EIF3A: variants seen among roughly 807,000 people sequenced by gnomAD.
EIF3A encodes the protein EIF3, p180 subunit.
A neutral mutation model predicts 186.6 loss-of-function variants in EIF3A; 21 were observed. The observed-to-expected ratio is 0.11, with a 90% confidence interval of 0.08 to 0.16. EIF3A has a LOEUF of 0.16. Ranked by LOEUF, EIF3A falls within the 10% of genes least tolerant of loss-of-function variation. EIF3A has a pLI of 1.00. For missense variants in EIF3A, 1,306 were observed against 1,796.3 expected, an observed-to-expected ratio of 0.73 and a Z score of 4.93; for synonymous variants, 563 against 584.3, an observed-to-expected ratio of 0.96 and a Z score of 0.52.
chr10:119,050,357 G>A (rs1848340032), intron 16 of EIF3A, among the ~76,000 whole-genome samples, 164 bp downstream of exon 16: 1 of 152,190 alleles, frequency 6.6e-6, no homozygotes, highest in Non-Finnish European at 1.5e-5. Context: ...GGCAGACGAT[G>A]TAACAACTTC....
chr10:119,049,835 T>G lies in EIF3A; in HGVS notation c.2624A>C (p.Glu875Ala), dbSNP rs1042818436. The change falls in exon 17 of 22, where the codon GAG becomes GCG. Residue 875 changes from glutamate (E) to alanine (A), a missense_variant. Glu to Ala is a moderately radical substitution (Grantham distance 107). Transcript: ENST00000369144. ...AAGGGAACTATCGCCAAGTCTTCTC[T>G]CTTCCTCTCTACGCCGTTCTCGTTC... ...IEERERRREEERRLGDSSLSR... is the reference protein window; with the variant it reads ...IEERERRREEARRLGDSSLSR... The G allele has an allele frequency of 1.9e-6, 3 of 1,614,044 alleles. No individual in the cohort carries two copies. The African/African-American group carries it at 4.0e-5, about 22-fold the overall frequency.
intron 14 of EIF3A, among the ~76,000 whole-genome samples, chr10:119,052,101 T>C (rs760046592): frequency 6.6e-6 from 1 of 152,194 alleles, no homozygotes; most frequent in Non-Finnish European, 1.5e-5. Flanking sequence ...ATCTAGCATG[T>C]GGCACTGGTT....
chr10:119,036,005 T>G lies in EIF3A; in HGVS notation c.*34A>C. The G allele has an allele frequency of 2.0e-6, 3 of 1,507,620 alleles. No homozygotes were observed. The highest frequency in any genetic ancestry group is 1.4e-5 in the African/African-American group (1 of 72,848). 93.4% of individuals were successfully genotyped at this position (1,507,620 alleles called of 1,614,324 possible). ...AATCCTTGAATGTGATCAAACCTATTTAAGACACCAGTTTAAATCCATTAT... is the reference window on the plus strand; with the variant it reads ...AATCCTTGAATGTGATCAAACCTATGTAAGACACCAGTTTAAATCCATTAT... On this transcript the variant is annotated 3_prime_UTR_variant, in exon 22 of 22. Transcript: ENST00000369144.
Position 119,065,563 on chromosome 10 carries a change from T to C in EIF3A, c.958A>G (p.Thr320Ala), listed in dbSNP as rs779751574. 10 of 1,605,330 alleles carry C rather than the reference T, an allele frequency of 6.2e-6. No individual in the cohort carries two copies. The highest frequency in any genetic ancestry group is 3.3e-5 in the South Asian group (3 of 90,734). ...GAAAGAGTGGCTAAAAGGACTCTAG[T>C]AGACATTCTATGGAGAACAAAGTTT... ...LTQDEMQRMS[T>A]RVLLATLSIP... Residue 320 changes from threonine to alanine, a missense_variant, in exon 7 of 22, where the codon ACT becomes GCT. This residue lies in a region of EIF3A where 267 missense variants were observed against 367.8 expected (regional missense o/e 0.73). Transcript: ENST00000369144.
Position 119,073,589 on chromosome 10 carries a change from A to G in EIF3A, c.241-12T>C, listed in dbSNP as rs757317969. The G allele has an allele frequency of 6.2e-7, 1 of 1,605,734 alleles. No homozygotes were observed. Among genetic ancestry groups the G allele is most frequent in the Non-Finnish European group, 8.5e-7 (1 of 1,177,708 alleles). On this transcript the variant is annotated splice_polypyrimidine_tract_variant and intron_variant, in intron 2 of 21. Coordinates refer to ENST00000369144, the MANE Select transcript of EIF3A (RefSeq NM_003750.4). ...GATTTTATGTTCACCTAATCCAAAAAAACAAAAACTCTTCAGAACTTATTT... is the reference window on the plus strand; with the variant it reads ...GATTTTATGTTCACCTAATCCAAAAGAACAAAAACTCTTCAGAACTTATTT...
At chr10:119,079,223 C>A (rs904002833) in intron 1 of EIF3A, among the ~76,000 whole-genome samples, 1 of 152,172 alleles carries the variant, frequency 6.6e-6, no homozygotes, top group African/African-American at 2.4e-5. Context: ...GTGCTCACAT[C>A]TATGTTGTAG....
intron 19 of EIF3A, among the ~76,000 whole-genome samples, chr10:119,040,403 G>A (rs1848192095): frequency 2.0e-5 from 3 of 152,226 alleles, no homozygotes; most frequent in East Asian, 1.9e-4. Flanking sequence ...TAGATGGACA[G>A]TGATGCCCCT....
chr10:119,041,853 C>T (rs745420331), intron 19 of EIF3A, 141 bp downstream of exon 19: 3 of 906,006 alleles, frequency 3.3e-6, no homozygotes, highest in Non-Finnish European at 4.9e-6. Context: ...CTTTTGACAG[C>T]GAAGTCACTG....
At chr10:119,076,792 C>T (rs1186649417) in intron 1 of EIF3A, among the ~76,000 whole-genome samples, 1 of 151,774 alleles carries the variant, frequency 6.6e-6, no homozygotes, top group Non-Finnish European at 1.5e-5. Context: ...AAAAATTAGC[C>T]AGGCATGGTG....
At chr10:119,063,025 G>C (rs552886548) in intron 7 of EIF3A, among the ~76,000 whole-genome samples, 1 of 152,042 alleles carries the variant, frequency 6.6e-6, no homozygotes, top group Non-Finnish European at 1.5e-5. Context: ...CAAAGTGCTA[G>C]GATTAGACGT....
In EIF3A at chr10:119,069,904, G is replaced by A. The variant is rs6585528; in HGVS notation, c.742-250C>T. 7.9e-3 allele frequency among the ~76,000 whole-genome samples: 1,194 copies of A among 151,870 alleles called. 14 individuals are homozygous for A. The highest frequency in any genetic ancestry group is 0.028 in the African/African-American group (1,144 of 41,192). On this transcript the variant is annotated intron_variant, in intron 5 of 21. Coordinates refer to ENST00000369144, the MANE Select transcript of EIF3A (RefSeq NM_003750.4). The stretch of plus-strand genomic sequence containing the variant: ...ACAGAGCAGACTCAAGAAAATATTT[G>A]CATATTATCCCATCACTTCGGGCAA...
At position 119,042,131 on chromosome 10, in the gene EIF3A, C is replaced by A; in HGVS notation, c.3389G>T (p.Arg1130Met). Residue 1130 changes from arginine (R) to methionine (M), a missense_variant, in exon 19 of 22, where the codon AGG becomes ATG. By Grantham distance (91) the Arg-to-Met change is moderately conservative. Coordinates refer to ENST00000369144, the MANE Select transcript of EIF3A (RefSeq NM_003750.4). The surrounding 1 kb of genome is among the most constrained non-coding windows in gnomAD (Gnocchi z 7.8). ...GCCCCTGTCATCCTCTGCACCACGC[C>A]TGGGAATTCTGTCATCATCGGCGTT... ...WRNADDDRIP[R>M]RGAEDDRGPW... The A allele has an allele frequency of 6.2e-7, 1 of 1,614,216 alleles. No homozygotes were observed. The highest frequency in any genetic ancestry group is 8.5e-7 in the Non-Finnish European group (1 of 1,180,038).
rs372677862 is a variant in EIF3A at position 119,069,427 on chromosome 10, C to T, written c.950+19G>A. The T allele has an allele frequency of 8.8e-7, 1 of 1,140,448 alleles. No homozygotes were observed. The highest frequency in any genetic ancestry group is 1.3e-6 in the Non-Finnish European group (1 of 750,084). 70.6% of individuals were successfully genotyped at this position (1,140,448 alleles called of 1,614,324 possible). A position where few individuals can be genotyped will look rare whatever the true frequency, so the allele number is the denominator to read the frequency against. On this transcript the variant is annotated intron_variant, in intron 6 of 21. Coordinates refer to ENST00000369144, the MANE Select transcript of EIF3A (RefSeq NM_003750.4). ...ATTTGTTACAGAATTTCAACATTAT[C>T]CAAGTATAACATTTTTACCTTTGCA...
In EIF3A at chr10:119,056,860, G is replaced by A. The variant is rs776624562; in HGVS notation, c.2083-7C>T. The A allele has an allele frequency of 6.9e-6, 11 of 1,604,942 alleles. No individual in the cohort carries two copies. The highest frequency in any genetic ancestry group is 2.2e-5 in the East Asian group (1 of 44,774). On this transcript the variant is annotated splice_region_variant and splice_polypyrimidine_tract_variant and intron_variant, in intron 13 of 21. Transcript: ENST00000369144. ...CTCTTTCAAAATAGTCAATCTGAATGACACGAAAACACACGTAGTTTTAAA... is the reference window on the plus strand; with the variant it reads ...CTCTTTCAAAATAGTCAATCTGAATAACACGAAAACACACGTAGTTTTAAA...
chr10:119,052,343 C>G (rs1848367087), intron 14 of EIF3A, among the ~76,000 whole-genome samples: 1 of 98,154 alleles, frequency 1.0e-5, no homozygotes, highest in South Asian at 3.1e-4. Context: ...TCAGTCACAT[C>G]TTCAGGTTAT....
At position 119,065,545 on chromosome 10, in the gene EIF3A, T is replaced by C; in HGVS notation, c.976A>G (p.Thr326Ala). Residue 326 changes from threonine to alanine, a missense_variant, in exon 7 of 22, where the codon ACT (threonine) becomes GCT (alanine). By Grantham distance (58) the Thr-to-Ala change is moderately conservative. Around this residue, in one of 8 missense-constraint regions of EIF3A, gnomAD observed 267 missense variants for 367.8 expected, o/e 0.73. Coordinates refer to ENST00000369144, the MANE Select transcript of EIF3A (RefSeq NM_003750.4). ...QRMSTRVLLATLSIPITPERT... is the reference protein window; with the variant it reads ...QRMSTRVLLAALSIPITPERT... ...TCAGGAGTAATAGGGATGGAAAGAGTGGCTAAAAGGACTCTAGTAGACATT... is the reference window on the plus strand; with the variant it reads ...TCAGGAGTAATAGGGATGGAAAGAGCGGCTAAAAGGACTCTAGTAGACATT... The C allele has an allele frequency of 1.9e-6, 3 of 1,612,026 alleles. No homozygotes were observed. The highest frequency in any genetic ancestry group is 2.5e-6 in the Non-Finnish European group (3 of 1,178,558).
At chr10:119,049,333 C>T (rs1309223797) in intron 17 of EIF3A, among the ~76,000 whole-genome samples, 1 of 151,854 alleles carries the variant, frequency 6.6e-6, no homozygotes, top group Non-Finnish European at 1.5e-5. Context: ...ACTAAAAATA[C>T]AAAAATCAGC....
At chr10:119,068,700 G>A (rs1844020996) in intron 6 of EIF3A, among the ~76,000 whole-genome samples, 1 of 151,492 alleles carries the variant, frequency 6.6e-6, no homozygotes, top group African/African-American at 2.4e-5. Flanking sequence ...TACAAGTCAG[G>A]CGCGGTGGCT....
intron 1 of EIF3A, among the ~76,000 whole-genome samples, chr10:119,074,975 AT>A (rs1313468467): frequency 1.1e-5 from 1 of 95,232 alleles, no homozygotes; most frequent in Non-Finnish European, 2.2e-5. Context: ...AAAATAACTT[AT>A]TTTTTTTCTT....
Sources: allele counts gnomAD v4.1 joint callset (sites outside exome capture counted in the v4.1 genomes callset), GRCh38; gene constraint gnomAD v4.1.1; regional missense constraint gnomAD v4.1.1; non-coding constraint Gnocchi (gnomAD v3.1); transcripts MANE v1.5; gene names NCBI Gene and HGNC (gene_info 2026-07-23, HGNC 2026-07-21).